ERICH3: variants seen among roughly 807,000 people sequenced by gnomAD.
ERICH3 encodes glutamate-rich protein 3.
A neutral mutation model predicts 131.1 loss-of-function variants in ERICH3; 126 were observed. The observed-to-expected ratio is 0.96, with a 90% confidence interval of 0.83 to 1.11. ERICH3 has a LOEUF of 1.11. Ranked by LOEUF, ERICH3 falls within the 50% of genes most tolerant of loss-of-function variation. ERICH3 has a pLI of 0.00. For missense variants in ERICH3, 2,050 were observed against 1,810.7 expected (o/e 1.13, Z -2.40); for synonymous variants, 695 against 644.6 (o/e 1.08, Z -1.18).
At position 74,572,061 on chromosome 1, in the gene ERICH3, C is replaced by CT. The variant is rs1407534258; in HGVS notation, c.3648dup (p.Ala1217SerfsTer4). The CT allele has an allele frequency of 6.2e-7, 1 of 1,614,238 alleles. No individual in the cohort carries two copies. On this transcript the variant is annotated frameshift_variant, in exon 14 of 15. Transcript: ENST00000326665. LOFTEE classifies it high-confidence loss of function. ...CCTGCTGGCTCAGCTTCAGGAGCTG[C>CT]TAAGGCCCCCTCTCCATCTTGGCGG...
At position 74,615,654 on chromosome 1, in the gene ERICH3, A is replaced by G. The variant is rs561143971; in HGVS notation, c.1001-2845T>C. Among the ~76,000 whole-genome samples, 5 of 152,304 alleles carry G rather than the reference A, an allele frequency of 3.3e-5. No individual in the cohort carries two copies. In the East Asian group the frequency reaches 5.8e-4, roughly 18 times the overall value. Reference sequence around the variant, plus strand: ...CAAATCCTCTCTTTCTTAAAATTTTATCTCTGGAGAAGAATTAAAGGCTTA... The same window carrying G: ...CAAATCCTCTCTTTCTTAAAATTTTGTCTCTGGAGAAGAATTAAAGGCTTA... On this transcript the variant is annotated intron_variant, in intron 8 of 14. Coordinates refer to ENST00000326665, the MANE Select transcript of ERICH3 (RefSeq NM_001002912.5).
chr1:74,573,838 CTCTT>C (rs1393886492), intron 13 of ERICH3, among the ~76,000 whole-genome samples: 1 of 152,190 alleles, frequency 6.6e-6, no homozygotes, highest in Admixed American at 6.5e-5. Flanking sequence ...CTCCACCTCA[CTCTT>C]TCTCTTGGCT....
Position 74,571,320 on chromosome 1 carries a change from C to G in ERICH3, c.4390G>C (p.Gly1464Arg), listed in dbSNP as rs754733482. ...GQEAATGSGD[G>R]RQETGAAEKF... ...TCAGCTGCTCCTGTCTCCTGCCTCCCATCGCCACTCCCAGTGGCTGCCTCC... is the reference window on the plus strand; with the variant it reads ...TCAGCTGCTCCTGTCTCCTGCCTCCGATCGCCACTCCCAGTGGCTGCCTCC... The change falls in exon 14 of 15, where the codon GGG becomes CGG. Residue 1464 changes from glycine to arginine, a missense_variant. Physicochemically the swap from Gly to Arg is moderately radical, Grantham distance 125. Coordinates refer to ENST00000326665, the MANE Select transcript of ERICH3 (RefSeq NM_001002912.5). The G allele has an allele frequency of 2.5e-6, 4 of 1,614,098 alleles. No individual in the cohort carries two copies. The highest frequency in any genetic ancestry group is 1.7e-5 in the Admixed American group (1 of 60,016).
intron 12 of ERICH3, among the ~76,000 whole-genome samples, chr1:74,587,186 G>A (rs1214690746): frequency 6.6e-6 from 1 of 151,786 alleles, no homozygotes; most frequent in Admixed American, 6.6e-5. Flanking sequence ...TTAGCCAGGC[G>A]TGGTGGCGAG....
intron 1 of ERICH3, among the ~76,000 whole-genome samples, chr1:74,652,181 A>G (rs1017626533): frequency 4.6e-5 from 7 of 152,148 alleles, no homozygotes; most frequent in Non-Finnish European, 7.4e-5. Context: ...GAAACTTTAC[A>G]TTACTAAATT....
At chr1:74,597,245 T>G (rs1464607979) in intron 11 of ERICH3, among the ~76,000 whole-genome samples, 1 of 152,014 alleles carries the variant, frequency 6.6e-6, no homozygotes, top group Non-Finnish European at 1.5e-5. Context: ...GACATGTTTA[T>G]GCCTTGAATA....
rs1648762197 is a variant in ERICH3, at chr1:74,612,770, G to A, written c.1040C>T (p.Pro347Leu). 1 of 1,597,064 alleles carries A rather than the reference G, an allele frequency of 6.3e-7. No homozygotes were observed. The highest frequency in any genetic ancestry group is 1.1e-5 in the South Asian group (1 of 89,834). ...QFISKRHHGF[P>L]FSLTFFLNGM... Reference sequence around the variant, plus strand: ...ATTCAGGAAAAAGGTGAGACTGAAGGGGAAACCATGATGCCTTTTGGAAAT... The same window carrying A: ...ATTCAGGAAAAAGGTGAGACTGAAGAGGAAACCATGATGCCTTTTGGAAAT... The change falls in exon 9 of 15, where the codon CCC (proline) becomes CTC (leucine). Residue 347 changes from proline (P) to leucine (L), a missense_variant. Physicochemically the swap from Pro to Leu is moderately conservative, Grantham distance 98 (BLOSUM62 -3). Coordinates refer to ENST00000326665, the MANE Select transcript of ERICH3 (RefSeq NM_001002912.5).
chr1:74,612,485 A>T, intron 9 of ERICH3, 138 bp downstream of exon 9: 1 of 654,920 alleles, frequency 1.5e-6, no homozygotes, highest in Non-Finnish European at 2.3e-6. Context: ...GTTACAATAA[A>T]CAACCCTGAA....
chr1:74,568,242 C>A lies in ERICH3; in HGVS notation c.*2216G>T, dbSNP rs1646894498. The A allele has an allele frequency of 6.6e-6, 1 of 152,114 alleles. No individual in the cohort carries two copies. Among genetic ancestry groups the A allele is most frequent in the Non-Finnish European group, 1.5e-5 (1 of 67,992 alleles). The allele number at this position is 152,114 out of a possible 1,614,324, so 9.4% of individuals were successfully genotyped here. A position where few individuals can be genotyped will look rare whatever the true frequency, so the allele number is the denominator to read the frequency against. On this transcript the variant is annotated 3_prime_UTR_variant, in exon 15 of 15. Coordinates refer to ENST00000326665, the MANE Select transcript of ERICH3 (RefSeq NM_001002912.5). ...AAGAATTCACTTATTCAAAATATCA[C>A]AATACTGAATTTCACAGTTAAATTC...
intron 9 of ERICH3, among the ~76,000 whole-genome samples, chr1:74,609,524 G>T (rs983402235): frequency 6.6e-6 from 1 of 151,944 alleles, no homozygotes; most frequent in African/African-American, 2.4e-5. Flanking sequence ...ATGGAGTTCT[G>T]CAGTGTTATG....
intron 3 of ERICH3, among the ~76,000 whole-genome samples, chr1:74,644,652 C>T (rs1043162420): frequency 6.6e-6 from 1 of 152,022 alleles, no homozygotes; most frequent in African/African-American, 2.4e-5. Context: ...AAATCTTTCT[C>T]CCACTTCAGC....
At position 74,572,020 on chromosome 1, in the gene ERICH3, A is replaced by AG; in HGVS notation, c.3689dup (p.Glu1231Ter). 6.2e-7 allele frequency: 1 copy of AG among 1,614,088 alleles called. No homozygotes were observed. The highest frequency in any genetic ancestry group is 8.5e-7 in the Non-Finnish European group (1 of 1,180,026). On this transcript the variant is annotated frameshift_variant, in exon 14 of 15. Coordinates refer to ENST00000326665, the MANE Select transcript of ERICH3 (RefSeq NM_001002912.5). LOFTEE classifies it high-confidence loss of function. ...GGCCTGTGGCTGGGATCAGCCCCTC[A>AG]GGGGCCTGCACCTTTCCTGCTGGCT...
At chr1:74,587,069 T>G (rs1416842549) in intron 12 of ERICH3, among the ~76,000 whole-genome samples, 1 of 152,148 alleles carries the variant, frequency 6.6e-6, no homozygotes, top group Non-Finnish European at 1.5e-5. Flanking sequence ...CTCATGCCTG[T>G]AATCCCAACA....
chr1:74,646,826 T>C (rs1646488534), intron 2 of ERICH3, 34 bp from the exon 3 acceptor site: 2 of 1,286,956 alleles, frequency 1.6e-6, no homozygotes, highest in South Asian at 1.6e-5. Flanking sequence ...CATAGAAATA[T>C]AAAATAGAAA....
chr1:74,601,499 T>C (rs1648129972), intron 10 of ERICH3, among the ~76,000 whole-genome samples: 1 of 151,920 alleles, frequency 6.6e-6, no homozygotes, highest in Non-Finnish European at 1.5e-5. Flanking sequence ...ACAATGGGGC[T>C]GGGTTGCTAT....
At chr1:74,624,916 A>T (rs1649362424) in intron 7 of ERICH3, 1 of 86,384 alleles carries the variant, frequency 1.2e-5, no homozygotes, top group African/African-American at 6.6e-5. Flanking sequence ...CAGGTGTTAG[A>T]GATTGGGTCT....
chr1:74,586,950 C>T (rs905498979), intron 12 of ERICH3, among the ~76,000 whole-genome samples: 1 of 152,096 alleles, frequency 6.6e-6, no homozygotes, highest in Admixed American at 6.6e-5. Flanking sequence ...TTCAAAATTA[C>T]TTTTCTCTAT....
rs185400272 is a variant in ERICH3 at position 74,622,986 on chromosome 1, A to G, written c.820-2072T>C. On this transcript the variant is annotated intron_variant, in intron 7 of 14. Transcript: ENST00000326665. Reference sequence around the variant, plus strand: ...GGCCCAAGTGACAGCTCGTGATTAAATATACACACTAGGAAACAAACAGTA... The same window carrying G: ...GGCCCAAGTGACAGCTCGTGATTAAGTATACACACTAGGAAACAAACAGTA... 1.9e-4 allele frequency: 29 copies of G among 152,324 alleles called. 1 individual carries two copies. The highest frequency in any genetic ancestry group is 1.6e-3 in the Admixed American group (24 of 15,298). 9.4% of individuals were successfully genotyped at this position (152,324 alleles called of 1,614,324 possible).
chr1:74,636,808 G>T (rs1030816607), intron 5 of ERICH3, among the ~76,000 whole-genome samples: 2 of 152,092 alleles, frequency 1.3e-5, no homozygotes, highest in South Asian at 2.1e-4. Context: ...TATTTTAGGG[G>T]TCTAAAAGGA....
Sources: allele counts gnomAD v4.1 joint callset (sites outside exome capture counted in the v4.1 genomes callset), GRCh38; gene constraint gnomAD v4.1.1; transcripts MANE v1.5; gene names NCBI Gene and HGNC (gene_info 2026-07-23, HGNC 2026-07-21).